YY1: variants seen among roughly 807,000 people sequenced by gnomAD.
YY1 encodes the protein transcriptional repressor protein YY1.
In YY1, 2 loss-of-function variants were observed where a neutral mutation model predicts 35.6. The observed-to-expected ratio is 0.06, with a 90% CI of 0.02 to 0.18. The LOEUF is 0.18. Among genes scored for constraint, YY1 ranks in the 10% least tolerant of loss-of-function variants. The pLI is 1.00. For missense variants in YY1, 322 were observed against 573.4 expected (o/e 0.56, Z 4.48); for synonymous variants, 268 against 238.9 (o/e 1.12, Z -1.12).
intron 1 of YY1, among the ~76,000 whole-genome samples, chr14:100,260,693 G>A (rs1229304911): frequency 6.8e-6 from 1 of 146,974 alleles, no homozygotes; most frequent in Non-Finnish European, 1.5e-5. Context: ...GGATGGTCTC[G>A]ATCTCCTGAC....
At position 100,282,284 on chromosome 14, in the gene YY1, C is replaced by CA. The variant is rs1891447791; in HGVS notation, c.*4685dup. 1 of 92,920 alleles carries CA rather than the reference C, an allele frequency of 1.1e-5. No homozygotes were observed. The highest frequency in any genetic ancestry group is 2.2e-5 in the Non-Finnish European group (1 of 44,934). 5.8% of individuals were successfully genotyped at this position (92,920 alleles called of 1,614,324 possible). A position where few individuals can be genotyped will look rare whatever the true frequency, so the allele number is the denominator to read the frequency against. On this transcript the variant is annotated 3_prime_UTR_variant, in exon 5 of 5. Coordinates refer to ENST00000262238, the MANE Select transcript of YY1 (RefSeq NM_003403.5). ...ATCAAATTGACCGCTTTTCATGAGACACCCAGATGCTGTAAAAAAAAAAAA... is the reference window on the plus strand; with the variant it reads ...ATCAAATTGACCGCTTTTCATGAGACAACCCAGATGCTGTAAAAAAAAAAAA...
At chr14:100,244,878 T>G (rs1380026315) in intron 1 of YY1, among the ~76,000 whole-genome samples, 2 of 151,322 alleles carry the variant, frequency 1.3e-5, no homozygotes, top group Non-Finnish European at 2.9e-5. Flanking sequence ...TTTCCTAAAT[T>G]TTTAATTGTC....
At chr14:100,248,583 G>A (rs981999856) in intron 1 of YY1, among the ~76,000 whole-genome samples, 1 of 151,638 alleles carries the variant, frequency 6.6e-6, no homozygotes. Flanking sequence ...GTGCGCTACA[G>A]CCTTGAACTC....
At position 100,239,626 on chromosome 14, in the gene YY1, G is replaced by C. The variant is rs1464236898; in HGVS notation, c.382G>C (p.Glu128Gln). 1 of 1,611,952 alleles carries C rather than the reference G, an allele frequency of 6.2e-7. No individual in the cohort carries two copies. Among genetic ancestry groups the C allele is most frequent in the Admixed American group, 1.7e-5 (1 of 59,994 alleles). ...CGGGCTGCGCGCCGAGGACGGCTTC[G>C]AGGATCAGATTCTCATCCCGGTGCC... is the stretch of plus-strand genomic sequence containing the variant. ...SDGLRAEDGFEDQILIPVPAP... is the reference protein window; with the variant it reads ...SDGLRAEDGFQDQILIPVPAP... Residue 128 changes from glutamate to glutamine, a missense_variant, in exon 1 of 5, where the codon GAG (glutamate) becomes CAG (glutamine). Transcript: ENST00000262238.
chr14:100,271,260 ATTAAT>A (rs983519852), intron 2 of YY1, among the ~76,000 whole-genome samples: 2 of 152,124 alleles, frequency 1.3e-5, no homozygotes, highest in African/African-American at 2.4e-5. Flanking sequence ...AAATAAATAA[ATTAAT>A]TAAATTAAAT....
chr14:100,265,305 G>A (rs752079007), intron 2 of YY1: 1 of 152,188 alleles, frequency 6.6e-6, no homozygotes, highest in East Asian at 1.9e-4. Flanking sequence ...TTGAACCCAG[G>A]AGGGGGAGGT....
intron 1 of YY1, among the ~76,000 whole-genome samples, chr14:100,245,193 C>T (rs1890814629): frequency 6.6e-6 from 1 of 151,796 alleles, no homozygotes; most frequent in African/African-American, 2.4e-5. Flanking sequence ...GCCTCGGCCT[C>T]CCAAAGTGCT....
chr14:100,278,200 A>C lies in YY1; in HGVS notation c.*600A>C, dbSNP rs1891353157. On this transcript the variant is annotated 3_prime_UTR_variant, in exon 5 of 5. Transcript: ENST00000262238. ...TTTGGTTGTATTCTTTGATGTTAACACATTTTGTATAATTGTATCGTATAG... is the reference window on the plus strand; with the variant it reads ...TTTGGTTGTATTCTTTGATGTTAACCCATTTTGTATAATTGTATCGTATAG... The C allele has an allele frequency of 6.4e-6, 1 of 155,082 alleles. No homozygotes were observed. The highest frequency in any genetic ancestry group is 1.4e-5 in the Non-Finnish European group (1 of 69,752). 9.6% of individuals were successfully genotyped at this position (155,082 alleles called of 1,614,324 possible).
rs1454210506 is a variant in YY1, at chr14:100,277,222, A to G, written c.1063-196A>G. ...TGCCAAGTGTTTTAAACAGTTCGTG[A>G]GGGCTCTCCTTGGGTTTTCGGGGTT... On this transcript the variant is annotated intron_variant, in intron 4 of 4. Transcript: ENST00000262238. This position sits in a 1 kb window ranked among gnomAD's most constrained non-coding sequence, Gnocchi z 5.6. 1 of 676,940 alleles carries G rather than the reference A, an allele frequency of 1.5e-6. No homozygotes were observed. The highest frequency in any genetic ancestry group is 1.8e-5 in the African/African-American group (1 of 56,096). 41.9% of individuals were successfully genotyped at this position (676,940 alleles called of 1,614,324 possible). A position where few individuals can be genotyped will look rare whatever the true frequency, so the allele number is the denominator to read the frequency against.
chr14:100,272,556 AT>A (rs372463309), intron 2 of YY1, among the ~76,000 whole-genome samples: 40 of 150,960 alleles, frequency 2.6e-4, no homozygotes, highest in South Asian at 6.3e-4. Context: ...CACAGAATTA[AT>A]TTTTTTTTAA....
At chr14:100,258,440 C>A (rs1370342798) in intron 1 of YY1, among the ~76,000 whole-genome samples, 1 of 152,128 alleles carries the variant, frequency 6.6e-6, no homozygotes, top group Non-Finnish European at 1.5e-5. Flanking sequence ...GAATGGATAA[C>A]CTTGGGTATA....
chr14:100,246,470 ATGTGGGGT>A (rs1890835744), intron 1 of YY1, among the ~76,000 whole-genome samples: 4 of 152,260 alleles, frequency 2.6e-5, no homozygotes, highest in African/African-American at 9.6e-5. Context: ...CCTTGTGGGG[ATGTGGGGT>A]GGTGAGACCC....
chr14:100,269,747 C>A (rs1299216923), intron 2 of YY1, among the ~76,000 whole-genome samples: 1 of 152,156 alleles, frequency 6.6e-6, no homozygotes, highest in Non-Finnish European at 1.5e-5. Flanking sequence ...TTTAAATCTT[C>A]CACTTACTCC....
In YY1 at chr14:100,277,598, TGAAAA is replaced by T. The variant is rs756934994; in HGVS notation, c.*2_*6del. On this transcript the variant is annotated stop_retained_variant and 3_prime_UTR_variant, in exon 5 of 5. Transcript: ENST00000262238. This position sits in a 1 kb window ranked among gnomAD's most constrained non-coding sequence, Gnocchi z 5.6. ...ACATGCTAAGGCCAAAAACAACCAG[TGAAAA>T]GAAGAGAGAAGACCCTTCTCGACCA... 21 of 1,613,988 alleles carry T rather than the reference TGAAAA, an allele frequency of 1.3e-5. No homozygotes were observed. Among genetic ancestry groups the T allele is most frequent in the South Asian group, 1.1e-5 (1 of 91,082 alleles).
At chr14:100,256,968 A>G (rs1338025579) in intron 1 of YY1, among the ~76,000 whole-genome samples, 1 of 151,942 alleles carries the variant, frequency 6.6e-6, no homozygotes, top group Admixed American at 6.6e-5. Flanking sequence ...GTCAGCGTCT[A>G]CTTTAGGCTT....
chr14:100,281,465 T>C lies in YY1; in HGVS notation c.*3865T>C, dbSNP rs917722665. On this transcript the variant is annotated 3_prime_UTR_variant, in exon 5 of 5. Transcript: ENST00000262238. ...CACCTGTCTGGCTCCGGGCCCTTTGTCCTGGATACACTGACAGTAATGTGA... is the reference window on the plus strand; with the variant it reads ...CACCTGTCTGGCTCCGGGCCCTTTGCCCTGGATACACTGACAGTAATGTGA... 6.6e-6 allele frequency: 1 copy of C among 152,138 alleles called. No homozygotes were observed. Among genetic ancestry groups the C allele is most frequent in the East Asian group, 1.9e-4 (1 of 5,188 alleles). The allele number at this position is 152,138 out of a possible 1,614,324, so 9.4% of individuals were successfully genotyped here.
intron 1 of YY1, among the ~76,000 whole-genome samples, chr14:100,258,172 T>C (rs1264968635): frequency 2.0e-5 from 3 of 151,642 alleles, no homozygotes; most frequent in Non-Finnish European, 4.4e-5. Context: ...TGAGGACAAA[T>C]AGCTCCCTTG....
At chr14:100,270,984 G>A (rs967553331) in intron 2 of YY1, among the ~76,000 whole-genome samples, 11 of 151,168 alleles carry the variant, frequency 7.3e-5, no homozygotes, top group East Asian at 1.9e-4. Context: ...GGTGGCTCAC[G>A]CCTGTAATCC....
At chr14:100,261,215 A>G in intron 1 of YY1, among the ~76,000 whole-genome samples, 1 of 151,548 alleles carries the variant, frequency 6.6e-6, no homozygotes, top group Non-Finnish European at 1.5e-5. Flanking sequence ...TTTGAGACAG[A>G]CTCTCACTCT....
Sources: allele counts gnomAD v4.1 joint callset (sites outside exome capture counted in the v4.1 genomes callset), GRCh38; gene constraint gnomAD v4.1.1; non-coding constraint Gnocchi (gnomAD v3.1); transcripts MANE v1.5; gene names NCBI Gene and HGNC (gene_info 2026-07-23, HGNC 2026-07-21).